Variants in TTC34 observed in about 807,000 individuals in gnomAD.
The protein encoded by TTC34 is tetratricopeptide repeat protein 34.
A neutral mutation model predicts 40.7 loss-of-function variants in TTC34; 44 were observed. That is an observed-to-expected ratio of 1.08 (90% CI 0.85 to 1.39). The LOEUF (loss-of-function observed/expected upper bound fraction) is 1.39, where lower values mean the gene tolerates loss of function less well. TTC34 is among the 40% of genes most tolerant of loss of function. The pLI is 0.00. For synonymous variants in TTC34, 422 were observed against 398.6 expected, an observed-to-expected ratio of 1.06 and a Z score of -0.70; for missense variants, 884 against 838.0, an observed-to-expected ratio of 1.05 and a Z score of -0.68.
At chr1:2,794,262 C>T (rs1643692663) in intron 2 of TTC34, among the ~76,000 whole-genome samples, 1 of 152,172 alleles carries the variant, frequency 6.6e-6, no homozygotes. Flanking sequence ...CTGTTTCAGC[C>T]TCCAAAAGTG....
chr1:2,682,045 A>T (rs1557604875), intron 6 of TTC34, among the ~76,000 whole-genome samples: 1 of 93,116 alleles, frequency 1.1e-5, no homozygotes, highest in East Asian at 3.4e-4. Flanking sequence ...AGCATCTGAC[A>T]TTGTGGAGCA....
rs377440342 is a variant in TTC34 at position 2,683,506 on chromosome 1, C to A, written c.2227-37943G>T. ...GAGCATCTGACAGCCTGGAACGGCA[C>A]CCACACCACCAGGTGAGCATCTGAT... On this transcript the variant is annotated intron_variant, in intron 6 of 8. Transcript: ENST00000401095. Among the ~76,000 whole-genome samples the A allele has an allele frequency of 3.5e-3, 518 of 146,230 alleles. No individual in the cohort carries two copies. In the East Asian group the frequency reaches 0.063, roughly 18 times the overall value.
chr1:2,651,766 C>G (rs908115325), intron 6 of TTC34, among the ~76,000 whole-genome samples: 23 of 151,994 alleles, frequency 1.5e-4, no homozygotes, highest in African/African-American at 5.3e-4. Context: ...ACCCTCCACC[C>G]TCAGATGAGC....
intron 6 of TTC34, among the ~76,000 whole-genome samples, chr1:2,685,901 C>A (rs377220906): frequency 0.011 from 1,662 of 145,924 alleles, 3 homozygotes; most frequent in Admixed American, 0.019. Flanking sequence ...CATCTGACAG[C>A]CTGGAACAGC....
intron 6 of TTC34, among the ~76,000 whole-genome samples, chr1:2,760,219 AAGT>A (rs1641652387): frequency 8.8e-6 from 1 of 113,036 alleles, no homozygotes; most frequent in Admixed American, 8.4e-5. Flanking sequence ...CGAGCATCTG[AAGT>A]CATGGAGCAG....
At chr1:2,753,780 C>T (rs1243307520) in intron 6 of TTC34, among the ~76,000 whole-genome samples, 64 of 72,438 alleles carry the variant, frequency 8.8e-4, no homozygotes, top group African/African-American at 1.8e-3. Context: ...ACCCACACCC[C>T]TAGGTGAGCA....
exon 5 of TTC34, chr1:2,785,905 A>T: frequency 2.6e-6 from 4 of 1,538,154 alleles, no homozygotes; most frequent in Non-Finnish European, 3.5e-6. Context: ...TGCCCGCAGG[A>T]TGGCCAGGGC....
intron 6 of TTC34, among the ~76,000 whole-genome samples, chr1:2,750,213 C>A (rs1188024935): frequency 4.1e-3 from 341 of 82,414 alleles, no homozygotes; most frequent in Middle Eastern, 0.019. Flanking sequence ...CCCCCAGGTG[C>A]GCATCTGATG....
In TTC34 at chr1:2,752,824, C is replaced by A. The variant is rs1164708166; in HGVS notation, c.2226+30785G>T. ...GAACAGCTCCCTGCATCCCCAGGTG[C>A]GCACCTGACAGACTGGAACAGCACC... On this transcript the variant is annotated intron_variant, in intron 6 of 8. Transcript: ENST00000401095. Among the ~76,000 whole-genome samples, 35 of 64,874 alleles carry A rather than the reference C, an allele frequency of 5.4e-4. 2 individuals carry two copies. The highest frequency in any genetic ancestry group is 1.4e-3 in the Admixed American group (9 of 6,444). The allele number at this position is 64,874 out of a possible 152,430, so 42.6% of individuals were successfully genotyped here.
intron 6 of TTC34, among the ~76,000 whole-genome samples, chr1:2,773,222 G>T (rs867231641): frequency 1.0e-4 from 2 of 19,814 alleles, no homozygotes; most frequent in Admixed American, 5.5e-4. Context: ...CCACACCCCC[G>T]GGCGAGCATC....
intron 6 of TTC34, among the ~76,000 whole-genome samples, chr1:2,683,694 G>A (rs1173022446): frequency 8.8e-5 from 13 of 147,392 alleles, no homozygotes; most frequent in East Asian, 6.1e-4. Context: ...CGATCTGACA[G>A]CCTGGAACAG....
intron 6 of TTC34, among the ~76,000 whole-genome samples, chr1:2,682,112 G>T (rs1368928459): frequency 2.0e-5 from 3 of 146,800 alleles, no homozygotes; most frequent in African/African-American, 7.5e-5. Context: ...CACACCCCCA[G>T]GTGAGCATCT....
chr1:2,760,041 C>CCCCCAAGTGAGCATCTG (rs1641644832), intron 6 of TTC34, among the ~76,000 whole-genome samples: 1 of 69,210 alleles, frequency 1.4e-5, no homozygotes, highest in Non-Finnish European at 2.7e-5. Context: ...AGCGCCCACA[C>CCCCCAAGTGAGCATCTG]ACCCAAGTGA....
At chr1:2,773,322 G>A (rs1444781810) in intron 6 of TTC34, among the ~76,000 whole-genome samples, 15 of 102,702 alleles carry the variant, frequency 1.5e-4, no homozygotes, top group Admixed American at 4.8e-4. Flanking sequence ...CTGACAGCCC[G>A]GAGCAGCGTC....
intron 6 of TTC34, among the ~76,000 whole-genome samples, chr1:2,692,235 G>A (rs1347633454): frequency 1.4e-5 from 1 of 72,656 alleles, no homozygotes; most frequent in Non-Finnish European, 3.3e-5. Context: ...CCCCAGGCGA[G>A]CATCCGACAG....
intron 6 of TTC34, among the ~76,000 whole-genome samples, chr1:2,771,162 C>A (rs368067485): frequency 5.5e-4 from 9 of 16,422 alleles, no homozygotes; most frequent in African/African-American, 8.9e-4. Flanking sequence ...TTCTCCAACC[C>A]CAGGTGAGGA....
Position 2,681,621 on chromosome 1 carries a change from C to T in TTC34, c.2227-36058G>A, listed in dbSNP as rs866175284. Among the ~76,000 whole-genome samples, 9 of 64,676 alleles carry T rather than the reference C, an allele frequency of 1.4e-4. 2 individuals are homozygous for T. Among genetic ancestry groups the T allele is most frequent in the Admixed American group, 6.4e-4 (4 of 6,234 alleles). 42.4% of individuals were successfully genotyped at this position (64,676 alleles called of 152,430 possible). ...GCATCAGACAGCCTGGAACCGCAGC[C>T]ACACCCCCAGCGAGCACCTGACAGC... On this transcript the variant is annotated intron_variant, in intron 6 of 8. Transcript: ENST00000401095.
intron 6 of TTC34, among the ~76,000 whole-genome samples, chr1:2,651,224 C>A (rs1279705038): frequency 6.6e-6 from 1 of 152,002 alleles, no homozygotes; most frequent in African/African-American, 2.4e-5. Context: ...CCTGGAACGG[C>A]ACTCACACCC....
chr1:2,794,119 G>A (rs908292578), intron 2 of TTC34, among the ~76,000 whole-genome samples: 3 of 152,056 alleles, frequency 2.0e-5, no homozygotes, highest in Non-Finnish European at 4.4e-5. Context: ...TGTCAGTCTG[G>A]TAAGTAGCTG....
Sources: gnomAD v4.1 joint callset for allele counts (sites outside exome capture counted in the v4.1 genomes callset) on GRCh38, gnomAD v4.1.1 for gene constraint, MANE v1.5 for transcripts, NCBI Gene and HGNC (gene_info 2026-07-23, HGNC 2026-07-21) for gene names.